ANK3: variants seen among roughly 807,000 people sequenced by gnomAD.
The protein encoded by ANK3 is ankyrin-3.
ANK3 carries 57 observed loss-of-function variants against 370.9 expected under a neutral mutation model. That is an observed-to-expected ratio of 0.15 (90% CI 0.12 to 0.19). The LOEUF is 0.19. Among genes scored for constraint, ANK3 ranks in the 10% least tolerant of loss-of-function variants. ANK3 has a pLI of 1.00. For synonymous variants in ANK3, 1,929 were observed against 1,946.3 expected, an observed-to-expected ratio of 0.99 and a Z score of 0.23; for missense variants, 4,439 against 5,302.1, an observed-to-expected ratio of 0.84 and a Z score of 5.06.
Position 60,076,000 on chromosome 10 carries a change from C to T in ANK3, c.4881G>A (p.Val1627=). The change falls in exon 37 of 44, where the codon GTG becomes GTA. Residue 1627 remains valine, a synonymous_variant. Transcript: ENST00000280772. ...NSTFSSRTSP[V]TTAGSLLERS... ...TCTCCAAAAGAGACCCTGCTGTAGT[C>T]ACTGGAGAGGTTCGAGAGGAAAACG... The T allele has an allele frequency of 3.7e-6, 6 of 1,614,152 alleles. No homozygotes were observed. Among genetic ancestry groups the T allele is most frequent in the Non-Finnish European group, 4.2e-6 (5 of 1,180,002 alleles).
In ANK3 at chr10:60,226,914, A is replaced by G. The variant is rs1592065680; in HGVS notation, c.897+7774T>C. ...ATATCATAGACCTCACAATAGATTG[A>G]TATTTTGCTTCAACAATTGACTTTT... is the stretch of plus-strand genomic sequence containing the variant. On this transcript the variant is annotated intron_variant, in intron 8 of 43. Coordinates refer to ENST00000280772, the MANE Select transcript of ANK3 (RefSeq NM_020987.5). Among the ~76,000 whole-genome samples, 4 of 151,248 alleles carry G rather than the reference A, an allele frequency of 2.6e-5. No individual in the cohort carries two copies. The South Asian group carries it at 8.3e-4, about 31-fold the overall frequency.
chr10:60,523,754 C>T (rs186015203), intron 2 of ANK3, among the ~76,000 whole-genome samples: 1 of 152,044 alleles, frequency 6.6e-6, no homozygotes, highest in Admixed American at 6.6e-5. Context: ...TGGGTATATA[C>T]CCAGTAATGG....
intron 2 of ANK3, among the ~76,000 whole-genome samples, chr10:60,546,646 C>T (rs757351609): frequency 3.3e-5 from 5 of 152,274 alleles, no homozygotes; most frequent in Non-Finnish European, 7.4e-5. Flanking sequence ...TTCCTTTAGA[C>T]ATTGTGGCCC....
At chr10:60,637,010 C>G (rs2078564159) in intron 1 of ANK3, among the ~76,000 whole-genome samples, 1 of 152,206 alleles carries the variant, frequency 6.6e-6, no homozygotes, top group Admixed American at 6.5e-5. Flanking sequence ...TCCTTTATTT[C>G]CTACTACATT....
intron 7 of ANK3, among the ~76,000 whole-genome samples, chr10:60,235,518 C>T (rs531394030): frequency 1.6e-4 from 24 of 148,896 alleles, no homozygotes; most frequent in South Asian, 1.5e-3. Flanking sequence ...AGGAAATGTA[C>T]GCATACATCA....
intron 1 of ANK3, among the ~76,000 whole-genome samples, chr10:60,385,298 T>C (rs79475892): frequency 0.11 from 16,156 of 151,750 alleles, 957 homozygotes; most frequent in South Asian, 0.14. Flanking sequence ...GTTCTTCTGC[T>C]TGACTATCTT....
At chr10:60,346,751 C>A (rs934304334) in intron 1 of ANK3, among the ~76,000 whole-genome samples, 2 of 152,000 alleles carry the variant, frequency 1.3e-5, no homozygotes, top group Admixed American at 1.3e-4. Flanking sequence ...AGCTATGCCT[C>A]ATGTCTTTTG....
Position 60,240,046 on chromosome 10 carries a change from T to TAC in ANK3, c.799-5262_799-5261dup, listed in dbSNP as rs1244215322. ...ATACACATATATATACACATATATATACATATATACACATATATACATATA... is the reference window on the plus strand; with the variant it reads ...ATACACATATATATACACATATATATACACATATATACACATATATACATATA... On this transcript the variant is annotated intron_variant, in intron 7 of 43. Coordinates refer to ENST00000280772, the MANE Select transcript of ANK3 (RefSeq NM_020987.5). Among the ~76,000 whole-genome samples the TAC allele has an allele frequency of 2.3e-3, 279 of 119,290 alleles. 1 individual carries two copies. The highest frequency in any genetic ancestry group is 7.5e-3 in the African/African-American group (257 of 34,242). 78.3% of individuals were successfully genotyped at this position (119,290 alleles called of 152,430 possible).
intron 28 of ANK3, among the ~76,000 whole-genome samples, chr10:60,091,710 G>C (rs997393528): frequency 6.6e-6 from 1 of 151,588 alleles, no homozygotes; most frequent in Non-Finnish European, 1.5e-5. Flanking sequence ...ATCCTTTATA[G>C]GGGAAAATGT....
At chr10:60,718,063 C>A (rs2132021874) in intron 1 of ANK3, among the ~76,000 whole-genome samples, 1 of 152,336 alleles carries the variant, frequency 6.6e-6, no homozygotes, top group Non-Finnish European at 1.5e-5. Context: ...ATTGTCTGAT[C>A]AACTATCAGC....
chr10:60,067,121 T>C (rs986083284), intron 38 of ANK3, among the ~76,000 whole-genome samples: 3 of 152,172 alleles, frequency 2.0e-5, no homozygotes, highest in African/African-American at 7.2e-5. Flanking sequence ...GGTTTCACCA[T>C]GTTGGGTAGG....
intron 1 of ANK3, among the ~76,000 whole-genome samples, chr10:60,709,275 A>ATATATCTATATCTATATCTATATC (rs60343604): frequency 4.9e-5 from 7 of 143,522 alleles, no homozygotes; most frequent in South Asian, 2.3e-4. Context: ...AACCAATAGG[A>ATATATCTATATCTATATCTATATC]TATATCTATA....
intron 2 of ANK3, among the ~76,000 whole-genome samples, chr10:60,526,558 T>A (rs2076475991): frequency 6.6e-6 from 1 of 152,072 alleles, no homozygotes; most frequent in Admixed American, 6.6e-5. Context: ...CGCTTACCCA[T>A]CAAGAATTTG....
chr10:60,181,605 A>G (rs2096190085), intron 17 of ANK3, among the ~76,000 whole-genome samples, 178 bp from the exon 18 acceptor site: 2 of 152,160 alleles, frequency 1.3e-5, no homozygotes, highest in South Asian at 4.1e-4. Flanking sequence ...ACATGAGCCC[A>G]TGAGTTTGAG....
rs574389750 is a variant in ANK3, at chr10:60,289,239, C to T, written c.115-9600G>A. On this transcript the variant is annotated intron_variant, in intron 1 of 43. Coordinates refer to ENST00000280772, the MANE Select transcript of ANK3 (RefSeq NM_020987.5). ...TTCTTCACTTCATAATTACCTCCCCCGACCCTTTTTCATCTATGCCCTGCC... is the reference window on the plus strand; with the variant it reads ...TTCTTCACTTCATAATTACCTCCCCTGACCCTTTTTCATCTATGCCCTGCC... Among the ~76,000 whole-genome samples, 5 of 150,880 alleles carry T rather than the reference C, an allele frequency of 3.3e-5. No homozygotes were observed. In the South Asian group the frequency reaches 6.3e-4, roughly 19 times the overall value.
At position 60,204,226 on chromosome 10, in the gene ANK3, C is replaced by A. The variant is rs78882956; in HGVS notation, c.1294-1126G>T. On this transcript the variant is annotated intron_variant, in intron 11 of 43. Coordinates refer to ENST00000280772, the MANE Select transcript of ANK3 (RefSeq NM_020987.5). ...TTATAGTCTTGGCACCTTTTTCCAT[C>A]AGCAGGGGGAGTAGTTAGAGCTTGT... 1.0e-2 allele frequency among the ~76,000 whole-genome samples: 1,520 copies of A among 152,262 alleles called. 22 individuals are homozygous for A. Among genetic ancestry groups the A allele is most frequent in the African/African-American group, 0.034 (1,431 of 41,556 alleles).
chr10:60,198,584 T>G (rs1274532218), intron 13 of ANK3, 47 bp from the exon 14 acceptor site: 1 of 1,562,728 alleles, frequency 6.4e-7, no homozygotes, highest in South Asian at 1.1e-5. Flanking sequence ...GAGGAAACAA[T>G]GGTGCCTTTA....
intron 1 of ANK3, among the ~76,000 whole-genome samples, chr10:60,354,159 T>A (rs1307840761): frequency 1.3e-5 from 2 of 152,214 alleles, no homozygotes; most frequent in Non-Finnish European, 1.5e-5. Flanking sequence ...ATTGTGAAAA[T>A]CAAGCCTTAG....
intron 23 of ANK3, among the ~76,000 whole-genome samples, chr10:60,157,984 A>G (rs544573416): frequency 6.6e-6 from 1 of 152,058 alleles, no homozygotes; most frequent in South Asian, 2.1e-4. Flanking sequence ...AGAAATAATA[A>G]TAGGGAACTT....
Sources: gnomAD v4.1 joint callset for allele counts (sites outside exome capture counted in the v4.1 genomes callset) on GRCh38, gnomAD v4.1.1 for gene constraint, MANE v1.5 for transcripts, NCBI Gene and HGNC (gene_info 2026-07-23, HGNC 2026-07-21) for gene names.